The following SLC38A10 variants were observed in gnomAD, a reference collection of about 807,000 sequenced individuals.
SLC38A10 encodes Sodium-coupled neutral amino acid transporter 10.
Under a neutral mutation model 81.0 loss-of-function variants are expected in SLC38A10, and 53 were observed. The observed-to-expected ratio is 0.65, with a 90% CI of 0.53 to 0.82. SLC38A10 has a LOEUF of 0.82. Ranked by LOEUF, SLC38A10 falls within the 40% of genes least tolerant of loss-of-function variation. The pLI, the probability that SLC38A10 is intolerant of heterozygous loss-of-function variation, is 0.00. For missense variants in SLC38A10, 1,471 were observed against 1,545.0 expected (o/e 0.95, Z 0.80); for synonymous variants, 665 against 655.3 (o/e 1.01, Z -0.23).
At chr17:81,247,950 CTTTTTTTTTT>C (rs34228716) in intron 14 of SLC38A10, among the ~76,000 whole-genome samples, 10 of 73,102 alleles carry the variant, frequency 1.4e-4, no homozygotes, top group Non-Finnish European at 2.1e-4. Context: ...CAAAAGCTGT[CTTTTTTTTTT>C]TTTTTTTTTT....
chr17:81,274,757 G>A (rs1036897212), intron 8 of SLC38A10, among the ~76,000 whole-genome samples: 1 of 151,828 alleles, frequency 6.6e-6, no homozygotes, highest in South Asian at 2.1e-4. Flanking sequence ...GAAAGACAGC[G>A]CAGCGGGCCT....
At chr17:81,261,976 C>T (rs977748154) in intron 10 of SLC38A10, among the ~76,000 whole-genome samples, 7 of 152,242 alleles carry the variant, frequency 4.6e-5, no homozygotes, top group African/African-American at 1.7e-4. Context: ...TTTGTAGATG[C>T]CCCTTCAGCC....
rs2063336734 is a variant in SLC38A10, at chr17:81,294,903, A to C, written c.19T>G (p.Ser7Ala). The change falls in exon 1 of 16, where the codon TCC becomes GCC. Residue 7 changes from serine (S) to alanine (A), a missense_variant. Ser to Ala is a moderately conservative substitution (Grantham distance 99). Transcript: ENST00000374759. Reference sequence around the variant, plus strand: ...ATGTTCGTGATCAGCCCCCAGTTGGAGGCGGCGGCCGCGGTCATAGTGAGA... The same window carrying C: ...ATGTTCGTGATCAGCCCCCAGTTGGCGGCGGCGGCCGCGGTCATAGTGAGA... The part of the protein sequence containing the change: MTAAAA[S>A]NWGLITNIVN... 3.1e-6 allele frequency: 5 copies of C among 1,591,674 alleles called. No homozygotes were observed. The highest frequency in any genetic ancestry group is 4.3e-6 in the Non-Finnish European group (5 of 1,170,682).
At chr17:81,263,769 G>A (rs1567933925) in intron 10 of SLC38A10, 1 of 152,320 alleles carries the variant, frequency 6.6e-6, no homozygotes, top group Non-Finnish European at 1.5e-5. Context: ...TAGCGCCTTG[G>A]GTCCATGCCT....
At chr17:81,268,251 T>C (rs1227179476) in intron 10 of SLC38A10, among the ~76,000 whole-genome samples, 3 of 152,048 alleles carry the variant, frequency 2.0e-5, no homozygotes. Context: ...ATCCCCTGTA[T>C]GATGGATGAA....
At chr17:81,266,182 C>T (rs1051295536) in intron 10 of SLC38A10, among the ~76,000 whole-genome samples, 1 of 152,224 alleles carries the variant, frequency 6.6e-6, no homozygotes, top group African/African-American at 2.4e-5. Context: ...GGAAGCGCTG[C>T]AGCAATTGGA....
chr17:81,284,989 A>G (rs1394611196), intron 2 of SLC38A10, 94 bp from the exon 3 acceptor site: 2 of 1,112,130 alleles, frequency 1.8e-6, no homozygotes, highest in African/African-American at 1.6e-5. Flanking sequence ...GCGATTTCAC[A>G]GAAACCCACG....
chr17:81,279,963 T>C (rs764697304), intron 6 of SLC38A10: 9 of 321,238 alleles, frequency 2.8e-5, no homozygotes, highest in African/African-American at 1.5e-4. Context: ...GCTCAATGCA[T>C]GCCCACTAAC....
chr17:81,247,950 CTTTTTTTTTTTTT>C (rs34228716), intron 14 of SLC38A10, among the ~76,000 whole-genome samples: 1 of 73,076 alleles, frequency 1.4e-5, no homozygotes, highest in African/African-American at 6.1e-5. Flanking sequence ...CAAAAGCTGT[CTTTTTTTTTTTTT>C]TTTTTTTTTT....
In SLC38A10 at chr17:81,253,813, G is replaced by A. The variant is rs977787279; in HGVS notation, c.1289-573C>T. 1.2e-4 allele frequency among the ~76,000 whole-genome samples: 14 copies of A among 112,454 alleles called. No individual in the cohort carries two copies. Among genetic ancestry groups the A allele is most frequent in the African/African-American group, 4.0e-4 (11 of 27,514 alleles). 73.8% of individuals were successfully genotyped at this position (112,454 alleles called of 152,430 possible). A position where few individuals can be genotyped will look rare whatever the true frequency, so the allele number is the denominator to read the frequency against. On this transcript the variant is annotated intron_variant, in intron 11 of 15. Transcript: ENST00000374759. The surrounding 1 kb of genome is among the most constrained non-coding windows in gnomAD (Gnocchi z 4.1). ...TACCACCATCACCATCATCATCACC[G>A]TCACCATCATCACCATCACCGCTAT...
chr17:81,291,000 C>T (rs543100049), intron 1 of SLC38A10, among the ~76,000 whole-genome samples: 3 of 152,072 alleles, frequency 2.0e-5, no homozygotes, highest in South Asian at 4.2e-4. Flanking sequence ...AGCAAGACTC[C>T]GCCTCGAGAA....
At chr17:81,252,958 G>A in intron 12 of SLC38A10, 115 bp downstream of exon 12, 2 of 1,344,930 alleles carry the variant, frequency 1.5e-6, no homozygotes, top group African/African-American at 1.4e-5. Context: ...CTTAGGCTGG[G>A]CTGAAGGGAA....
In SLC38A10 at chr17:81,288,323, G is replaced by A. The variant is rs562127021; in HGVS notation, c.217+1368C>T. 1.3e-5 allele frequency among the ~76,000 whole-genome samples: 2 copies of A among 152,196 alleles called. No homozygotes were observed. The highest frequency in any genetic ancestry group is 2.9e-5 in the Non-Finnish European group (2 of 68,034). ...ACTCTGCCGCGGGAGCTGTGAGCCCGGGGGGCAGGATGGCCTTCTGCAGGG... is the reference window on the plus strand; with the variant it reads ...ACTCTGCCGCGGGAGCTGTGAGCCCAGGGGGCAGGATGGCCTTCTGCAGGG... On this transcript the variant is annotated intron_variant, in intron 2 of 15. Coordinates refer to ENST00000374759, the MANE Select transcript of SLC38A10 (RefSeq NM_001037984.3). This position sits in a 1 kb window ranked among gnomAD's most constrained non-coding sequence, Gnocchi z 5.4.
chr17:81,276,988 C>T lies in SLC38A10; in HGVS notation c.729+43G>A, dbSNP rs771548129. 25 of 1,589,552 alleles carry T rather than the reference C, an allele frequency of 1.6e-5. No individual in the cohort carries two copies. The East Asian group carries it at 4.5e-4, about 28-fold the overall frequency. ...CCACGGGGCACCACGGCACATCATGCTGGCATGACACAGGGGCGGAGAGGG... is the reference window on the plus strand; with the variant it reads ...CCACGGGGCACCACGGCACATCATGTTGGCATGACACAGGGGCGGAGAGGG... On this transcript the variant is annotated intron_variant, in intron 7 of 15. Transcript: ENST00000374759. The surrounding 1 kb of genome is among the most constrained non-coding windows in gnomAD (Gnocchi z 4.7).
Position 81,283,892 on chromosome 17 carries a change from G to A in SLC38A10, c.264-390C>T, listed in dbSNP as rs1001709886. Among the ~76,000 whole-genome samples, 1 of 151,066 alleles carries A rather than the reference G, an allele frequency of 6.6e-6. No individual in the cohort carries two copies. The highest frequency in any genetic ancestry group is 1.5e-5 in the Non-Finnish European group (1 of 67,838). On this transcript the variant is annotated intron_variant, in intron 3 of 15. Transcript: ENST00000374759. This position sits in a 1 kb window ranked among gnomAD's most constrained non-coding sequence, Gnocchi z 4.7. ...CCCAAAGTGCTGGGATTACAGGCGT[G>A]AGCCACTGTGCCTGGCCAACAGATG...
Position 81,253,364 on chromosome 17 carries a change from T to C in SLC38A10, c.1289-124A>G. 1 of 1,197,802 alleles carries C rather than the reference T, an allele frequency of 8.3e-7. No individual in the cohort carries two copies. The highest frequency in any genetic ancestry group is 1.1e-6 in the Non-Finnish European group (1 of 873,354). 74.2% of individuals were successfully genotyped at this position (1,197,802 alleles called of 1,614,324 possible). On this transcript the variant is annotated intron_variant, in intron 11 of 15. Transcript: ENST00000374759. The surrounding 1 kb of genome is among the most constrained non-coding windows in gnomAD (Gnocchi z 4.1). ...GAGTCAAAGCAGTTTCTTTTTCCTG[T>C]TCGATCATTAGCAGCTAAGTAGCAC... is the stretch of plus-strand genomic sequence containing the variant.
intron 8 of SLC38A10, among the ~76,000 whole-genome samples, chr17:81,275,529 C>T (rs2063152244): frequency 6.6e-6 from 1 of 151,462 alleles, no homozygotes; most frequent in East Asian, 1.9e-4. Context: ...GTCAGGAGAT[C>T]GAGACCATCC....
At chr17:81,268,366 A>G (rs1299794172) in intron 10 of SLC38A10, among the ~76,000 whole-genome samples, 1 of 152,172 alleles carries the variant, frequency 6.6e-6, no homozygotes, top group East Asian at 1.9e-4. Context: ...AGAAGCCACA[A>G]AGAATCAATA....
chr17:81,259,113 AG>A (rs2062998159), intron 11 of SLC38A10, among the ~76,000 whole-genome samples: 2 of 152,338 alleles, frequency 1.3e-5, no homozygotes, highest in South Asian at 4.1e-4. Context: ...AACAAGCCCC[AG>A]GGTCACGGCT....
Sources: allele counts gnomAD v4.1 joint callset (sites outside exome capture counted in the v4.1 genomes callset), GRCh38; gene constraint gnomAD v4.1.1; non-coding constraint Gnocchi (gnomAD v3.1); transcripts MANE v1.5; gene names NCBI Gene and HGNC (gene_info 2026-07-23, HGNC 2026-07-21).